The following B3GAT2 variants were observed in gnomAD, a reference collection of about 807,000 sequenced individuals.
The protein encoded by B3GAT2 is galactosylgalactosylxylosylprotein 3-beta-glucuronosyltransferase 2.
A neutral mutation model predicts 27.8 loss-of-function variants in B3GAT2; 26 were observed. The ratio of observed to expected loss-of-function variants is 0.93; its 90% CI spans 0.68 to 1.30. The LOEUF (loss-of-function observed/expected upper bound fraction) is 1.30. Ranked by LOEUF, B3GAT2 falls within the 50% of genes most tolerant of loss-of-function variation. The pLI, the probability that B3GAT2 is intolerant of heterozygous loss-of-function variation, is 0.00. For missense variants in B3GAT2, 458 were observed against 459.0 expected, an observed-to-expected ratio of 1.00 and a Z score of 0.02; for synonymous variants, 218 against 195.1, an observed-to-expected ratio of 1.12 and a Z score of -0.98.
At chr6:70,942,214 G>T (rs550258197) in intron 1 of B3GAT2, among the ~76,000 whole-genome samples, 109 of 152,338 alleles carry the variant, frequency 7.2e-4, no homozygotes, top group Non-Finnish European at 1.3e-3. Flanking sequence ...TATCCAGGAA[G>T]AAGATTCCAA....
intron 1 of B3GAT2, among the ~76,000 whole-genome samples, chr6:70,917,739 T>G (rs1201472477): frequency 1.3e-5 from 2 of 152,238 alleles, no homozygotes; most frequent in African/African-American, 2.4e-5. Flanking sequence ...AGTTCTAATT[T>G]GATTGCATTG....
intron 1 of B3GAT2, among the ~76,000 whole-genome samples, chr6:70,906,250 T>G (rs1772600479): frequency 1.3e-5 from 2 of 152,174 alleles, no homozygotes; most frequent in South Asian, 4.1e-4. Flanking sequence ...ACCATGCAGT[T>G]TCAAAATTAG....
At chr6:70,927,118 G>A (rs1582385757) in intron 1 of B3GAT2, among the ~76,000 whole-genome samples, 2 of 152,262 alleles carry the variant, frequency 1.3e-5, no homozygotes, top group East Asian at 3.9e-4. Context: ...TTACAGACAA[G>A]CAAATGCTGA....
Position 70,956,594 on chromosome 6 carries a change from C to T in B3GAT2, c.-165G>A, listed in dbSNP as rs1765662198. ...GACCTGGAGCCGCGGGGCTCACTAC[C>T]TGGGCGTGGAGGAGCGGCAGGTTCG... On this transcript the variant is annotated 5_prime_UTR_variant, in exon 1 of 4. Transcript: ENST00000230053. 2 of 1,441,396 alleles carry T rather than the reference C, an allele frequency of 1.4e-6. No homozygotes were observed. The highest frequency in any genetic ancestry group is 2.8e-5 in the Admixed American group (1 of 36,160). 89.3% of individuals were successfully genotyped at this position (1,441,396 alleles called of 1,614,324 possible).
chr6:70,880,156 C>T (rs371407922), intron 2 of B3GAT2, among the ~76,000 whole-genome samples: 8 of 152,050 alleles, frequency 5.3e-5, no homozygotes, highest in Admixed American at 3.3e-4. Flanking sequence ...TAAACCGGAC[C>T]GACTGTGAAG....
chr6:70,946,487 C>A (rs926475620), intron 1 of B3GAT2, among the ~76,000 whole-genome samples: 1 of 151,864 alleles, frequency 6.6e-6, no homozygotes, highest in South Asian at 2.1e-4. Flanking sequence ...ACAAAGAAGG[C>A]CGTTACATAA....
chr6:70,934,076 T>C (rs1773102205), intron 1 of B3GAT2, among the ~76,000 whole-genome samples: 1 of 152,164 alleles, frequency 6.6e-6, no homozygotes, highest in South Asian at 2.1e-4. Context: ...AAAGCACTAG[T>C]CAGTTCCCTT....
chr6:70,902,967 T>G (rs753119220), intron 1 of B3GAT2, among the ~76,000 whole-genome samples: 7 of 152,040 alleles, frequency 4.6e-5, no homozygotes, highest in Admixed American at 2.6e-4. Context: ...AGATCTATTG[T>G]ATATCATGGT....
At position 70,857,672 on chromosome 6, in the gene B3GAT2, G is replaced by T. The variant is rs947754482; in HGVS notation, c.*3991C>A. The T allele has an allele frequency of 1.4e-5, 7 of 494,562 alleles. No homozygotes were observed. The highest frequency in any genetic ancestry group is 1.2e-4 in the African/African-American group (6 of 51,682). 30.6% of individuals were successfully genotyped at this position (494,562 alleles called of 1,614,324 possible). On this transcript the variant is annotated 3_prime_UTR_variant, in exon 4 of 4. Transcript: ENST00000230053. The stretch of plus-strand genomic sequence containing the variant: ...TGGTCTTCACAGTGGAAGATATTTT[G>T]TGTGGCTGTTGCATATGATTTACAT...
At chr6:70,947,371 T>C (rs1445275172) in intron 1 of B3GAT2, among the ~76,000 whole-genome samples, 2 of 151,232 alleles carry the variant, frequency 1.3e-5, no homozygotes, top group African/African-American at 2.4e-5. Context: ...AAAAATCAAA[T>C]AGACACAAAA....
intron 1 of B3GAT2, among the ~76,000 whole-genome samples, chr6:70,954,749 C>T (rs756348830): frequency 1.9e-4 from 29 of 152,226 alleles, no homozygotes; most frequent in Admixed American, 8.5e-4. Context: ...TCTCACAGGG[C>T]GTCAAATCAA....
At position 70,945,615 on chromosome 6, in the gene B3GAT2, C is replaced by T. The variant is rs538878422; in HGVS notation, c.591+10224G>A. ...CGTCTGATTGTGTACCTGAAAGTGA[C>T]GGGGAGGATGGAACCGAGTTGGAAA... On this transcript the variant is annotated intron_variant, in intron 1 of 3. Coordinates refer to ENST00000230053, the MANE Select transcript of B3GAT2 (RefSeq NM_080742.3). 6.0e-5 allele frequency among the ~76,000 whole-genome samples: 9 copies of T among 150,268 alleles called. No homozygotes were observed. The South Asian group carries it at 1.7e-3, about 29-fold the overall frequency.
intron 1 of B3GAT2, among the ~76,000 whole-genome samples, chr6:70,922,946 TAA>T (rs1275924463): frequency 3.3e-5 from 5 of 152,202 alleles, no homozygotes; most frequent in African/African-American, 1.2e-4. Flanking sequence ...GGCAAATTAA[TAA>T]GACACTGTAT....
chr6:70,864,059 TC>T (rs1489784607), intron 2 of B3GAT2, among the ~76,000 whole-genome samples: 2 of 141,602 alleles, frequency 1.4e-5, no homozygotes, highest in Admixed American at 7.5e-5. Context: ...ATAAGCTTTA[TC>T]CTTTTTTTTT....
At chr6:70,873,470 T>G (rs1256174587) in intron 2 of B3GAT2, among the ~76,000 whole-genome samples, 1 of 152,096 alleles carries the variant, frequency 6.6e-6, no homozygotes, top group African/African-American at 2.4e-5. Context: ...GTTAATCATA[T>G]TCAGTTTTCT....
At chr6:70,950,363 G>C (rs1273110718) in intron 1 of B3GAT2, among the ~76,000 whole-genome samples, 1 of 151,768 alleles carries the variant, frequency 6.6e-6, no homozygotes, top group Admixed American at 6.6e-5. Context: ...GGTCAAAGGA[G>C]AAAGCTAAGA....
chr6:70,889,652 C>T (rs903608835), intron 2 of B3GAT2, among the ~76,000 whole-genome samples: 2 of 152,164 alleles, frequency 1.3e-5, no homozygotes, highest in East Asian at 3.9e-4. Context: ...CCATTGCACC[C>T]TTCCTCTTCC....
chr6:70,956,086 A>G lies in B3GAT2; in HGVS notation c.344T>C (p.Leu115Pro), dbSNP rs775439822. The G allele has an allele frequency of 6.3e-7, 1 of 1,593,898 alleles. No homozygotes were observed. The highest frequency in any genetic ancestry group is 8.5e-7 in the Non-Finnish European group (1 of 1,173,090). The change falls in exon 1 of 4, where the codon CTG becomes CCG. Residue 115 changes from leucine (L) to proline (P), a missense_variant. Coordinates refer to ENST00000230053, the MANE Select transcript of B3GAT2 (RefSeq NM_080742.3). ...GCTGCGCGCCGCCGCGTCCTCCACC[A>G]GGATCCAGTGCAGCTGCGCCACCTG... ...FRQVAQLHWI[L>P]VEDAAARSEL... is the part of the protein sequence containing the mutation.
chr6:70,923,954 T>C (rs1314648754), intron 1 of B3GAT2, among the ~76,000 whole-genome samples: 1 of 152,160 alleles, frequency 6.6e-6, no homozygotes, highest in Non-Finnish European at 1.5e-5. Flanking sequence ...GTATCTGACA[T>C]TTTTCAGAGA....
Sources: gnomAD v4.1 joint callset for allele counts (sites outside exome capture counted in the v4.1 genomes callset) on GRCh38, gnomAD v4.1.1 for gene constraint, MANE v1.5 for transcripts, NCBI Gene and HGNC (gene_info 2026-07-23, HGNC 2026-07-21) for gene names.